RIPOR2: variants seen among roughly 807,000 people sequenced by gnomAD.
The protein encoded by RIPOR2 is RHO family interacting cell polarization regulator 2.
Under a neutral mutation model 114.5 loss-of-function variants are expected in RIPOR2, and 39 were observed. That is an observed-to-expected ratio of 0.34 (90% CI 0.26 to 0.44). The LOEUF (loss-of-function observed/expected upper bound fraction) is 0.44. Among genes scored for constraint, RIPOR2 ranks in the 20% least tolerant of loss-of-function variants. RIPOR2 has a pLI of 1.00. For synonymous variants in RIPOR2, 445 were observed against 484.4 expected (o/e 0.92, Z 1.07); for missense variants, 1,007 against 1,255.1 (o/e 0.80, Z 2.99).
At chr6:25,006,543 C>G (rs1180760264) in intron 1 of RIPOR2, among the ~76,000 whole-genome samples, 1 of 152,220 alleles carries the variant, frequency 6.6e-6, no homozygotes, top group African/African-American at 2.4e-5. Flanking sequence ...AAACCTTCAT[C>G]ACAATTCAAG....
At chr6:24,818,223 A>G (rs1262493024) in intron 20 of RIPOR2, among the ~76,000 whole-genome samples, 4 of 152,042 alleles carry the variant, frequency 2.6e-5, no homozygotes, top group African/African-American at 7.2e-5. Context: ...TCGGCCTCCC[A>G]AAATGCTGGG....
chr6:24,910,273 A>G (rs1581777596), intron 1 of RIPOR2, among the ~76,000 whole-genome samples: 1 of 152,062 alleles, frequency 6.6e-6, no homozygotes, highest in East Asian at 1.9e-4. Context: ...CACCTGGCCA[A>G]TTTGGAATTC....
At chr6:24,830,747 G>T in intron 16 of RIPOR2, 77 bp from the exon 17 acceptor site, 1 of 1,422,554 alleles carries the variant, frequency 7.0e-7, no homozygotes, top group Non-Finnish European at 9.4e-7. Flanking sequence ...ACAGAGTCTT[G>T]CTTTGTTACC....
intron 1 of RIPOR2, among the ~76,000 whole-genome samples, chr6:24,996,908 C>T (rs1775073857): frequency 6.6e-6 from 1 of 152,212 alleles, no homozygotes; most frequent in Non-Finnish European, 1.5e-5. Context: ...GGACAACTCA[C>T]AGGCGGTACA....
At chr6:25,041,166 C>G (rs1024044952) in intron 1 of RIPOR2, among the ~76,000 whole-genome samples, 7 of 152,334 alleles carry the variant, frequency 4.6e-5, no homozygotes, top group Admixed American at 1.3e-4. Flanking sequence ...ACTCATTCTT[C>G]TTAGCAGCCC....
intron 1 of RIPOR2, among the ~76,000 whole-genome samples, chr6:24,924,663 A>G (rs1770734392): frequency 6.6e-6 from 1 of 152,208 alleles, no homozygotes; most frequent in Admixed American, 6.5e-5. Context: ...AATAATCATA[A>G]GAAGGGATAA....
chr6:24,874,734 T>C (rs1164285545), intron 2 of RIPOR2, among the ~76,000 whole-genome samples: 1 of 152,246 alleles, frequency 6.6e-6, no homozygotes, highest in Non-Finnish European at 1.5e-5. Flanking sequence ...CAAGTGTCTA[T>C]GAAATTCAAC....
At chr6:24,935,961 GCCGA>G (rs1771780683), upstream of RIPOR2, 4 of 1,231,952 alleles carry the variant, frequency 3.2e-6, no homozygotes, top group African/African-American at 1.5e-5. Context: ...CAGTCACACT[GCCGA>G]CCGAGGTGAT....
At chr6:24,900,454 A>T (rs1001953673) in intron 1 of RIPOR2, among the ~76,000 whole-genome samples, 1 of 152,192 alleles carries the variant, frequency 6.6e-6, no homozygotes, top group South Asian at 2.1e-4. Flanking sequence ...TTTAGATTGG[A>T]TGTTTCATTG....
chr6:24,976,716 A>G, intron 1 of RIPOR2: 1 of 1,610,290 alleles, frequency 6.2e-7, no homozygotes, highest in Middle Eastern at 1.7e-4. Context: ...GTGGCAAGTC[A>G]CCACTGGGAG....
intron 13 of RIPOR2, chr6:24,840,486 G>C (rs1033397872): frequency 1.4e-6 from 2 of 1,381,234 alleles, no homozygotes; most frequent in Non-Finnish European, 9.4e-7. Flanking sequence ...GAGTTGGAGA[G>C]AAGTATTTCC....
chr6:24,951,352 T>C (rs758126765), intron 1 of RIPOR2, among the ~76,000 whole-genome samples: 1 of 152,174 alleles, frequency 6.6e-6, no homozygotes, highest in Non-Finnish European at 1.5e-5. Flanking sequence ...AAATAGACAT[T>C]TTCTCACGTA....
chr6:25,002,950 G>A (rs997255470), intron 1 of RIPOR2, among the ~76,000 whole-genome samples: 1 of 152,226 alleles, frequency 6.6e-6, no homozygotes, highest in Non-Finnish European at 1.5e-5. Flanking sequence ...AGTACAAAAA[G>A]TGATTTAAGA....
chr6:24,836,109 C>A, intron 14 of RIPOR2: 2 of 507,200 alleles, frequency 3.9e-6, no homozygotes, highest in South Asian at 2.4e-5. Flanking sequence ...ACTTTTTAAG[C>A]CTAATGAACC....
intron 1 of RIPOR2, among the ~76,000 whole-genome samples, chr6:24,980,590 C>T (rs912828526): frequency 6.6e-6 from 1 of 152,166 alleles, no homozygotes; most frequent in Non-Finnish European, 1.5e-5. Flanking sequence ...CAGTTGGCCC[C>T]TCACACCTAT....
At chr6:24,850,851 C>T (rs939414595) in intron 9 of RIPOR2, 129 bp from the exon 10 acceptor site, 1 of 1,071,136 alleles carries the variant, frequency 9.3e-7, no homozygotes, top group Non-Finnish European at 1.4e-6. Flanking sequence ...TCCCTCCACC[C>T]CCTTACTCTT....
intron 11 of RIPOR2, among the ~76,000 whole-genome samples, chr6:24,848,964 G>A (rs945211354): frequency 2.0e-5 from 3 of 152,204 alleles, no homozygotes; most frequent in Non-Finnish European, 4.4e-5. Flanking sequence ...GAGTGCAATG[G>A]CACGATCTCA....
intron 18 of RIPOR2, 61 bp from the exon 19 acceptor site, chr6:24,825,489 C>G: frequency 8.2e-7 from 1 of 1,223,290 alleles, no homozygotes; most frequent in Non-Finnish European, 1.2e-6. Context: ...CAGCTCATTA[C>G]AAATATAAAT....
chr6:24,822,550 C>T (rs1759790102), intron 19 of RIPOR2, among the ~76,000 whole-genome samples: 1 of 152,134 alleles, frequency 6.6e-6, no homozygotes. Flanking sequence ...AGAGTTCTTG[C>T]TCTTGTCACC....
Sources: gnomAD v4.1 joint callset for allele counts (sites outside exome capture counted in the v4.1 genomes callset) on GRCh38, gnomAD v4.1.1 for gene constraint, MANE v1.5 for transcripts, NCBI Gene and HGNC (gene_info 2026-07-23, HGNC 2026-07-21) for gene names.